The following EPOR variants were observed in gnomAD, a reference collection of about 807,000 sequenced individuals.
EPOR encodes erythropoietin receptor.
In EPOR, 20 loss-of-function variants were observed where a neutral mutation model predicts 34.3. The observed-to-expected ratio is 0.58, with a 90% CI of 0.41 to 0.85. The LOEUF is 0.85. Ranked by LOEUF, EPOR falls within the 40% of genes least tolerant of loss-of-function variation. The pLI is 0.00. For missense variants in EPOR, 601 were observed against 672.7 expected (o/e 0.89, Z 1.18); for synonymous variants, 312 against 299.0 (o/e 1.04, Z -0.45).
In EPOR at chr19:11,380,985, A is replaced by C. The variant is rs545113608; in HGVS notation, c.740-14T>G. Reference sequence around the variant, plus strand: ...GGGGGTCCAGGTCTAAGAGGCGGGGAGGAGGTCAGGGCGGTGGGCTTGCCC... The same window carrying C: ...GGGGGTCCAGGTCTAAGAGGCGGGGCGGAGGTCAGGGCGGTGGGCTTGCCC... On this transcript the variant is annotated splice_polypyrimidine_tract_variant and intron_variant, in intron 5 of 7. Transcript: ENST00000222139. The C allele has an allele frequency of 6.4e-7, 1 of 1,552,984 alleles. No homozygotes were observed. The highest frequency in any genetic ancestry group is 8.7e-7 in the Non-Finnish European group (1 of 1,147,616).
rs377322757 is a variant in EPOR at position 11,381,719 on chromosome 19, G to A, written c.558C>T (p.Ala186=). The A allele has an allele frequency of 5.0e-4, 806 of 1,610,904 alleles. 6 individuals are homozygous for A. In the Middle Eastern group the frequency reaches 0.011, roughly 22 times the overall value. ...TCTGTACGCTCCCTGCGCCGTTGCC[G>A]GCCGAGACGTCCACCTCGTAGCGGA... is the stretch of plus-strand genomic sequence containing the variant. The part of the protein sequence containing the change: ...SHIRYEVDVS[A]GNGAGSVQRV... The change falls in exon 4 of 8, where the codon GCC becomes GCT. Residue 186 remains alanine (A), a synonymous_variant. Coordinates refer to ENST00000222139, the MANE Select transcript of EPOR (RefSeq NM_000121.4). The surrounding 1 kb of genome is among the most constrained non-coding windows in gnomAD (Gnocchi z 5.3).
rs373115538 is a variant in EPOR, at chr19:11,381,905, A to G, written c.427+25T>C. On this transcript the variant is annotated intron_variant, in intron 3 of 7. Coordinates refer to ENST00000222139, the MANE Select transcript of EPOR (RefSeq NM_000121.4). This position sits in a 1 kb window ranked among gnomAD's most constrained non-coding sequence, Gnocchi z 5.3. ...AGGACTGAGACCCTCTCCTCCGACCACTCCTCCATTCCCAGAGCACTTACC... is the reference window on the plus strand; with the variant it reads ...AGGACTGAGACCCTCTCCTCCGACCGCTCCTCCATTCCCAGAGCACTTACC... 1 of 1,614,018 alleles carries G rather than the reference A, an allele frequency of 6.2e-7. No individual in the cohort carries two copies. Among genetic ancestry groups the G allele is most frequent in the Non-Finnish European group, 8.5e-7 (1 of 1,179,980 alleles).
Position 11,383,126 on chromosome 19 carries a change from C to G in EPOR, c.222G>C (p.Pro74=), listed in dbSNP as rs1968387095. 6.2e-7 allele frequency: 1 copy of G among 1,613,616 alleles called. No individual in the cohort carries two copies. Among genetic ancestry groups the G allele is most frequent in the African/African-American group, 1.3e-5 (1 of 74,934 alleles). Residue 74 remains proline, a synonymous_variant, in exon 2 of 8, where the codon CCG becomes CCC. Coordinates refer to ENST00000222139, the MANE Select transcript of EPOR (RefSeq NM_000121.4). The surrounding 1 kb of genome is among the most constrained non-coding windows in gnomAD (Gnocchi z 4.9). ...WEEAASAGVG[P]GNYSFSYQLE... The stretch of plus-strand genomic sequence containing the variant: ...GCTGGTAGGAGAAGCTGTAGTTGCC[C>G]GGGCCCACCCCAGCGCTCGCCGCTT...
chr19:11,379,165 A>T (rs1369135196), intron 6 of EPOR, among the ~76,000 whole-genome samples: 3 of 152,150 alleles, frequency 2.0e-5, no homozygotes, highest in Non-Finnish European at 4.4e-5. Context: ...CATCTCTAAA[A>T]AAAATAAAAT....
At chr19:11,379,083 T>C (rs1002663347) in intron 6 of EPOR, among the ~76,000 whole-genome samples, 1 of 152,004 alleles carries the variant, frequency 6.6e-6, no homozygotes, top group African/African-American at 2.4e-5. Context: ...CCCAGTACTT[T>C]GGGAGGCTGA....
chr19:11,382,795 T>G, intron 2 of EPOR: 2 of 1,358,610 alleles, frequency 1.5e-6, no homozygotes, highest in Non-Finnish European at 1.9e-6. Flanking sequence ...CTGGCCTCCT[T>G]TTGGATACTA....
In EPOR at chr19:11,383,883, C is replaced by T. The variant is rs1229289066; in HGVS notation, c.115+210G>A. 6.6e-6 allele frequency among the ~76,000 whole-genome samples: 1 copy of T among 151,790 alleles called. No homozygotes were observed. Among genetic ancestry groups the T allele is most frequent in the Non-Finnish European group, 1.5e-5 (1 of 67,966 alleles). ...AGCCCACTCTAGCTCTTGCCCGGGACGCGATCAGGAGTCTTGGATCCTAAC... is the reference window on the plus strand; with the variant it reads ...AGCCCACTCTAGCTCTTGCCCGGGATGCGATCAGGAGTCTTGGATCCTAAC... On this transcript the variant is annotated intron_variant, in intron 1 of 7. Transcript: ENST00000222139. The surrounding 1 kb of genome is among the most constrained non-coding windows in gnomAD (Gnocchi z 4.9).
rs1968320798 is a variant in EPOR at position 11,378,978 on chromosome 19, G to A, written c.828-200C>T. Among the ~76,000 whole-genome samples, 1 of 152,100 alleles carries A rather than the reference G, an allele frequency of 6.6e-6. No individual in the cohort carries two copies. The highest frequency in any genetic ancestry group is 1.5e-5 in the Non-Finnish European group (1 of 68,026). ...CCTACAAAAGGGTAAATGGAACAGG[G>A]TATTGAAGGGTGCATAGGAGTTCAA... is the stretch of plus-strand genomic sequence containing the variant. On this transcript the variant is annotated intron_variant, in intron 6 of 7. Coordinates refer to ENST00000222139, the MANE Select transcript of EPOR (RefSeq NM_000121.4). This position sits in a 1 kb window ranked among gnomAD's most constrained non-coding sequence, Gnocchi z 5.3.
At position 11,377,779 on chromosome 19, in the gene EPOR, A is replaced by G. The variant is rs753903452; in HGVS notation, c.*205T>C. On this transcript the variant is annotated 3_prime_UTR_variant, in exon 8 of 8. Transcript: ENST00000222139. The stretch of plus-strand genomic sequence containing the variant: ...TAGAAAAACTTACATACATATGTGT[A>G]TATATATATATAGATACAAAAAAAA... 62 of 572,876 alleles carry G rather than the reference A, an allele frequency of 1.1e-4. 1 individual carries two copies. Among genetic ancestry groups the G allele is most frequent in the Middle Eastern group, 9.7e-4 (2 of 2,070 alleles). 35.5% of individuals were successfully genotyped at this position (572,876 alleles called of 1,614,324 possible).
rs1599420917 is a variant in EPOR at position 11,383,637 on chromosome 19, T to C, written c.116-405A>G. On this transcript the variant is annotated intron_variant, in intron 1 of 7. Coordinates refer to ENST00000222139, the MANE Select transcript of EPOR (RefSeq NM_000121.4). The surrounding 1 kb of genome is among the most constrained non-coding windows in gnomAD (Gnocchi z 4.9). ...GATAGCGCCAACCGTGCCCCCCGCC[T>C]CCCTCCCTCCACCGGGCCGGGCAAG... is the stretch of plus-strand genomic sequence containing the variant. The C allele has an allele frequency of 1.9e-5, 4 of 207,676 alleles. No individual in the cohort carries two copies. Among genetic ancestry groups the C allele is most frequent in the South Asian group, 8.2e-5 (1 of 12,142 alleles). 12.9% of individuals were successfully genotyped at this position (207,676 alleles called of 1,614,324 possible).
rs183080185 is a variant in EPOR, at chr19:11,381,441, A to G, written c.586-232T>C. The G allele has an allele frequency of 2.1e-3, 1,413 of 666,112 alleles. 2 individuals carry two copies. Among genetic ancestry groups the G allele is most frequent in the Non-Finnish European group, 3.0e-3 (1,171 of 394,042 alleles). The allele number at this position is 666,112 out of a possible 1,614,324, so 41.3% of individuals were successfully genotyped here. A position where few individuals can be genotyped will look rare whatever the true frequency, so the allele number is the denominator to read the frequency against. ...ATTTAATATCTGGGCTAGCACTCGT[A>G]GAGGGACCCGGGCGCTAAAGGGGTC... On this transcript the variant is annotated intron_variant, in intron 4 of 7. Transcript: ENST00000222139. The surrounding 1 kb of genome is among the most constrained non-coding windows in gnomAD (Gnocchi z 5.3).
In EPOR at chr19:11,381,436, C is replaced by T. The variant is rs1968356816; in HGVS notation, c.586-227G>A. On this transcript the variant is annotated intron_variant, in intron 4 of 7. Coordinates refer to ENST00000222139, the MANE Select transcript of EPOR (RefSeq NM_000121.4). The surrounding 1 kb of genome is among the most constrained non-coding windows in gnomAD (Gnocchi z 5.3). ...GGGCAATTTAATATCTGGGCTAGCA[C>T]TCGTAGAGGGACCCGGGCGCTAAAG... 1 of 668,522 alleles carries T rather than the reference C, an allele frequency of 1.5e-6. No individual in the cohort carries two copies. Among genetic ancestry groups the T allele is most frequent in the Non-Finnish European group, 2.5e-6 (1 of 396,080 alleles). The allele number at this position is 668,522 out of a possible 1,614,324, so 41.4% of individuals were successfully genotyped here. A position where few individuals can be genotyped will look rare whatever the true frequency, so the allele number is the denominator to read the frequency against.
chr19:11,380,111 C>A (rs1968336272), intron 6 of EPOR, among the ~76,000 whole-genome samples: 1 of 152,274 alleles, frequency 6.6e-6, no homozygotes, highest in African/African-American at 2.4e-5. Context: ...TGCTTCCTTC[C>A]AATCTTCAGG....
rs745809568 is a variant in EPOR, at chr19:11,378,793, A to G, written c.828-15T>C. On this transcript the variant is annotated splice_polypyrimidine_tract_variant and intron_variant, in intron 6 of 7. Coordinates refer to ENST00000222139, the MANE Select transcript of EPOR (RefSeq NM_000121.4). This position sits in a 1 kb window ranked among gnomAD's most constrained non-coding sequence, Gnocchi z 5.3. ...GCTTCAGAGCCCTGTTGAAGCCAAT[A>G]TAAATAGTTACATAGATATGACTCA... 3.1e-6 allele frequency: 5 copies of G among 1,613,072 alleles called. No homozygotes were observed. Among genetic ancestry groups the G allele is most frequent in the Non-Finnish European group, 4.2e-6 (5 of 1,179,224 alleles).
chr19:11,384,023 G>T, intron 1 of EPOR, 70 bp downstream of exon 1: 3 of 1,069,258 alleles, frequency 2.8e-6, no homozygotes, highest in Non-Finnish European at 4.2e-6. Flanking sequence ...CAGGACCTAG[G>T]CTGGGAGTTC....
rs1364257788 is a variant in EPOR, at chr19:11,383,506, C to A, written c.116-274G>T. The A allele has an allele frequency of 2.6e-6, 1 of 384,270 alleles. No individual in the cohort carries two copies. Among genetic ancestry groups the A allele is most frequent in the East Asian group, 4.5e-5 (1 of 22,230 alleles). The allele number at this position is 384,270 out of a possible 1,614,324, so 23.8% of individuals were successfully genotyped here. On this transcript the variant is annotated intron_variant, in intron 1 of 7. Transcript: ENST00000222139. This position sits in a 1 kb window ranked among gnomAD's most constrained non-coding sequence, Gnocchi z 4.9. ...GAGCTGGGCGCGGCGTTCAAGACCT[C>A]GAGCTCGGGACTGCCAGCCCCGCCC...
intron 2 of EPOR, chr19:11,382,812 G>A (rs923822757): frequency 4.6e-5 from 65 of 1,411,586 alleles, no homozygotes; most frequent in Non-Finnish European, 6.0e-5. Flanking sequence ...ACTACCTCGA[G>A]AAGGCGTCCC....
In EPOR at chr19:11,382,153, T is replaced by C. The variant is rs755076105; in HGVS notation, c.252-48A>G. The C allele has an allele frequency of 3.2e-6, 5 of 1,541,698 alleles. No individual in the cohort carries two copies. The South Asian group carries it at 5.7e-5, about 17-fold the overall frequency. ...AGGTTGGGAGGGGGGACCGGGGAGT[T>C]GGCATTGCCCGGCCTGTGGGGGGCA... On this transcript the variant is annotated intron_variant, in intron 2 of 7. Coordinates refer to ENST00000222139, the MANE Select transcript of EPOR (RefSeq NM_000121.4).
chr19:11,382,958 G>A lies in EPOR; in HGVS notation c.251+139C>T, dbSNP rs146578258. The A allele has an allele frequency of 2.4e-4, 384 of 1,567,960 alleles. 1 individual carries two copies. In the African/African-American group the frequency reaches 4.6e-3, roughly 19 times the overall value. On this transcript the variant is annotated intron_variant, in intron 2 of 7. Transcript: ENST00000222139. The stretch of plus-strand genomic sequence containing the variant: ...TAGAGGGCGTGCCAGCCCTGGACCC[G>A]CAGGTTTCCCTCCAGTGACCACGAC...
Sources: gnomAD v4.1 joint callset for allele counts (sites outside exome capture counted in the v4.1 genomes callset) on GRCh38, gnomAD v4.1.1 for gene constraint, Gnocchi (gnomAD v3.1) non-coding constraint, MANE v1.5 for transcripts, NCBI Gene and HGNC (gene_info 2026-07-23, HGNC 2026-07-21) for gene names.